Variants in FLRT2 observed in about 807,000 individuals in gnomAD.
FLRT2 encodes fibronectin leucine rich transmembrane protein 2.
FLRT2 carries 15 observed loss-of-function variants against 40.0 expected under a neutral mutation model. The ratio of observed to expected loss-of-function variants is 0.38; its 90% CI spans 0.25 to 0.58. The LOEUF is 0.58. Ranked by LOEUF, FLRT2 falls within the 20% of genes least tolerant of loss-of-function variation. The probability of loss-of-function intolerance (pLI) is 0.71; values close to 1 mark genes in which losing one functional copy is unlikely to be tolerated. For synonymous variants in FLRT2, 380 were observed against 336.8 expected, an observed-to-expected ratio of 1.13 and a Z score of -1.41; for missense variants, 726 against 840.0, an observed-to-expected ratio of 0.86 and a Z score of 1.68.
At chr14:85,579,892 CA>C (rs1182902076) in intron 1 of FLRT2, among the ~76,000 whole-genome samples, 1 of 145,484 alleles carries the variant, frequency 6.9e-6, no homozygotes, top group African/African-American at 2.6e-5. Context: ...TAGATTGGGT[CA>C]GGGGTGGTCA....
rs536693014 is a variant in FLRT2, at chr14:85,644,124, G to T, written c.*20627G>T. On this transcript the variant is annotated 3_prime_UTR_variant, in exon 2 of 2. Transcript: ENST00000330753. ...GTGCAGCAGTGGATATTTCTAAGAC[G>T]TCCTCATTTAACTTGATTTTTTTTT... is the stretch of plus-strand genomic sequence containing the variant. The T allele has an allele frequency of 6.7e-6, 1 of 149,768 alleles. No homozygotes were observed. Among genetic ancestry groups the T allele is most frequent in the Non-Finnish European group, 1.5e-5 (1 of 67,748 alleles). The allele number at this position is 149,768 out of a possible 1,614,324, so 9.3% of individuals were successfully genotyped here. A position where few individuals can be genotyped will look rare whatever the true frequency, so the allele number is the denominator to read the frequency against.
At chr14:85,535,561 C>A (rs113514964) in intron 1 of FLRT2, among the ~76,000 whole-genome samples, 5 of 152,266 alleles carry the variant, frequency 3.3e-5, no homozygotes, top group African/African-American at 1.2e-4. Context: ...AGCAGAGAAT[C>A]AATCTGTAGG....
rs532511996 is a variant in FLRT2 at position 85,593,052 on chromosome 14, A to G, written c.-376-28087A>G. 2.2e-4 allele frequency among the ~76,000 whole-genome samples: 34 copies of G among 152,308 alleles called. 1 individual carries two copies. In the East Asian group the frequency reaches 4.2e-3, roughly 19 times the overall value. On this transcript the variant is annotated intron_variant, in intron 1 of 1. Coordinates refer to ENST00000330753, the MANE Select transcript of FLRT2 (RefSeq NM_013231.6). Reference sequence around the variant, plus strand: ...GAAAAGATACCTTCATCTACTGTACACTAATCTCAATTCACATTTGGATAT... The same window carrying G: ...GAAAAGATACCTTCATCTACTGTACGCTAATCTCAATTCACATTTGGATAT...
chr14:85,570,625 A>G (rs1270702123), intron 1 of FLRT2, among the ~76,000 whole-genome samples: 1 of 150,626 alleles, frequency 6.6e-6, no homozygotes, highest in Admixed American at 6.6e-5. Flanking sequence ...TCTGTCGCCC[A>G]GGCTGGAGTG....
rs190702249 is a variant in FLRT2 at position 85,580,566 on chromosome 14, G to A, written c.-376-40573G>A. Reference sequence around the variant, plus strand: ...TTAATAGAGTTTCGTTAAAGTTAACGGTTTGTCTTAGTCTGTTTAATGTTC... The same window carrying A: ...TTAATAGAGTTTCGTTAAAGTTAACAGTTTGTCTTAGTCTGTTTAATGTTC... On this transcript the variant is annotated intron_variant, in intron 1 of 1. Coordinates refer to ENST00000330753, the MANE Select transcript of FLRT2 (RefSeq NM_013231.6). 1.6e-3 allele frequency among the ~76,000 whole-genome samples: 251 copies of A among 152,214 alleles called. 1 individual carries two copies. Among genetic ancestry groups the A allele is most frequent in the African/African-American group, 5.5e-3 (227 of 41,532 alleles).
intron 1 of FLRT2, among the ~76,000 whole-genome samples, chr14:85,610,470 G>T (rs375334609): frequency 6.6e-6 from 1 of 152,210 alleles, no homozygotes; most frequent in East Asian, 1.9e-4. Flanking sequence ...TTTCATTGCC[G>T]TGAGAATAGA....
chr14:85,563,547 G>A (rs186040607), intron 1 of FLRT2, among the ~76,000 whole-genome samples: 2 of 152,276 alleles, frequency 1.3e-5, no homozygotes, highest in East Asian at 3.9e-4. Flanking sequence ...GGTGGAGCAG[G>A]AGGAAGAAAG....
chr14:85,606,583 G>A (rs1892626506), intron 1 of FLRT2, among the ~76,000 whole-genome samples: 1 of 145,220 alleles, frequency 6.9e-6, no homozygotes, highest in Non-Finnish European at 1.5e-5. Context: ...GGAGTGCGGT[G>A]GTGCGATCTC....
chr14:85,600,448 A>G (rs1892335233), intron 1 of FLRT2, among the ~76,000 whole-genome samples: 1 of 152,164 alleles, frequency 6.6e-6, no homozygotes, highest in South Asian at 2.1e-4. Context: ...AAATAGAACT[A>G]TGAGGACTGC....
intron 1 of FLRT2, among the ~76,000 whole-genome samples, chr14:85,537,043 A>G (rs1888703174): frequency 6.6e-6 from 1 of 152,164 alleles, no homozygotes; most frequent in Admixed American, 6.5e-5. Context: ...ACTAGACTTC[A>G]TGGTAGCTGT....
rs1465823994 is a variant in FLRT2 at position 85,648,055 on chromosome 14, C to G, written c.*24558C>G. On this transcript the variant is annotated 3_prime_UTR_variant, in exon 2 of 2. Transcript: ENST00000330753. ...ATGGTGATACATTTGTAATTTGTCCCTCAAATTACAGACTATCAGCTTGAA... is the reference window on the plus strand; with the variant it reads ...ATGGTGATACATTTGTAATTTGTCCGTCAAATTACAGACTATCAGCTTGAA... 1 of 152,042 alleles carries G rather than the reference C, an allele frequency of 6.6e-6. No homozygotes were observed. The highest frequency in any genetic ancestry group is 1.5e-5 in the Non-Finnish European group (1 of 68,014). 9.4% of individuals were successfully genotyped at this position (152,042 alleles called of 1,614,324 possible). A position where few individuals can be genotyped will look rare whatever the true frequency, so the allele number is the denominator to read the frequency against.
chr14:85,555,655 C>T (rs1238704128), intron 1 of FLRT2, among the ~76,000 whole-genome samples: 2 of 148,590 alleles, frequency 1.3e-5, no homozygotes, highest in African/African-American at 4.9e-5. Flanking sequence ...CTAACCGTAT[C>T]AAGCAGTTTA....
intron 1 of FLRT2, among the ~76,000 whole-genome samples, chr14:85,602,860 C>A (rs1370700494): frequency 1.3e-5 from 2 of 152,084 alleles, no homozygotes; most frequent in Admixed American, 1.3e-4. Flanking sequence ...TCTACTATAA[C>A]CCCAGAATAA....
rs1455427007 is a variant in FLRT2 at position 85,530,258 on chromosome 14, C to T, written c.-653C>T. ...GTGCCCGCAAATCTCCGCGCCAAGG[C>T]GCTGAGCTACTCCTTTCCGAGGTGC... On this transcript the variant is annotated 5_prime_UTR_variant, in exon 1 of 2. Coordinates refer to ENST00000330753, the MANE Select transcript of FLRT2 (RefSeq NM_013231.6). The T allele has an allele frequency of 3.3e-5, 5 of 152,672 alleles. No homozygotes were observed. The highest frequency in any genetic ancestry group is 1.2e-4 in the African/African-American group (5 of 41,466). 9.5% of individuals were successfully genotyped at this position (152,672 alleles called of 1,614,324 possible).
rs1893836094 is a variant in FLRT2, at chr14:85,630,329, G to A, written c.*6832G>A. The A allele has an allele frequency of 8.6e-6, 1 of 116,592 alleles. No homozygotes were observed. Among genetic ancestry groups the A allele is most frequent in the East Asian group, 2.7e-4 (1 of 3,702 alleles). 7.2% of individuals were successfully genotyped at this position (116,592 alleles called of 1,614,324 possible). On this transcript the variant is annotated 3_prime_UTR_variant, in exon 2 of 2. Coordinates refer to ENST00000330753, the MANE Select transcript of FLRT2 (RefSeq NM_013231.6). ...TTTTGGTATGAAGTCTAAACTAGAC[G>A]AAAACCTCAATATATCCTTAGGGGA...
intron 1 of FLRT2, among the ~76,000 whole-genome samples, chr14:85,577,155 G>A (rs1891155829): frequency 6.6e-6 from 1 of 152,072 alleles, no homozygotes; most frequent in Admixed American, 6.6e-5. Flanking sequence ...CCCATTTTGG[G>A]GGAACCCTAT....
intron 1 of FLRT2, among the ~76,000 whole-genome samples, chr14:85,573,310 ATC>A (rs143314910): frequency 3.0e-4 from 44 of 148,510 alleles, no homozygotes; most frequent in Admixed American, 3.4e-4. Flanking sequence ...ACACTCACAC[ATC>A]TCTCTCTCTC....
At chr14:85,542,312 G>A (rs1187707512) in intron 1 of FLRT2, among the ~76,000 whole-genome samples, 1 of 152,044 alleles carries the variant, frequency 6.6e-6, no homozygotes, top group African/African-American at 2.4e-5. Flanking sequence ...TTGCATGTAT[G>A]TATAGTATAA....
rs896884536 is a variant in FLRT2 at position 85,629,086 on chromosome 14, G to T, written c.*5589G>T. 1 of 152,124 alleles carries T rather than the reference G, an allele frequency of 6.6e-6. No individual in the cohort carries two copies. The highest frequency in any genetic ancestry group is 2.4e-5 in the African/African-American group (1 of 41,414). 9.4% of individuals were successfully genotyped at this position (152,124 alleles called of 1,614,324 possible). A position where few individuals can be genotyped will look rare whatever the true frequency, so the allele number is the denominator to read the frequency against. ...GGGTCTTCCGGGGATTCAGAGAAAA[G>T]TGTCTGTGAGCCATTAAGAAACTCA... On this transcript the variant is annotated 3_prime_UTR_variant, in exon 2 of 2. Coordinates refer to ENST00000330753, the MANE Select transcript of FLRT2 (RefSeq NM_013231.6).
Sources: gnomAD v4.1 joint callset for allele counts (sites outside exome capture counted in the v4.1 genomes callset) on GRCh38, gnomAD v4.1.1 for gene constraint, MANE v1.5 for transcripts, NCBI Gene and HGNC (gene_info 2026-07-23, HGNC 2026-07-21) for gene names.